Variants in ARCN1 observed in about 807,000 individuals in gnomAD.
The protein encoded by ARCN1 is archain 1 coat protein complex I subunit delta, also known as coatomer subunit delta.
ARCN1 carries 5 observed loss-of-function variants against 60.4 expected under a neutral mutation model. That is an observed-to-expected ratio of 0.08 (90% CI 0.04 to 0.17). ARCN1 has a LOEUF of 0.17. Ranked by LOEUF, ARCN1 falls within the 10% of genes least tolerant of loss-of-function variation. The pLI is 1.00. For missense variants in ARCN1, 464 were observed against 626.5 expected (o/e 0.74, Z 2.77); for synonymous variants, 224 against 220.0 (o/e 1.02, Z -0.16).
chr11:118,576,961 G>A (rs1357505588), intron 1 of ARCN1, among the ~76,000 whole-genome samples: 1 of 152,116 alleles, frequency 6.6e-6, no homozygotes, highest in African/African-American at 2.4e-5. Flanking sequence ...CAGGCGGGCA[G>A]ATCACTTGAG....
Position 118,600,780 on chromosome 11 carries a change from A to C in ARCN1, c.*66A>C. The C allele has an allele frequency of 3.4e-6, 4 of 1,176,270 alleles. No individual in the cohort carries two copies. The highest frequency in any genetic ancestry group is 4.9e-6 in the Non-Finnish European group (4 of 814,612). 72.9% of individuals were successfully genotyped at this position (1,176,270 alleles called of 1,614,324 possible). A position where few individuals can be genotyped will look rare whatever the true frequency, so the allele number is the denominator to read the frequency against. ...ATAAAGAAGACGCCAATGATGGCTG[A>C]AGAGTTTTTCCCAGATTTACAAGCC... On this transcript the variant is annotated 3_prime_UTR_variant, in exon 10 of 10. Transcript: ENST00000264028.
At chr11:118,583,054 A>G in intron 2 of ARCN1, 125 bp from the exon 3 acceptor site, 1 of 1,139,958 alleles carries the variant, frequency 8.8e-7, no homozygotes, top group Non-Finnish European at 1.3e-6. Context: ...AAATAAAATA[A>G]AGACTAGAAG....
intron 1 of ARCN1, chr11:118,572,951 T>G (rs1197000767): frequency 1.3e-5 from 3 of 223,558 alleles, no homozygotes; most frequent in Non-Finnish European, 2.6e-5. Flanking sequence ...TCTCCGGAGG[T>G]TCTGGTCCTT....
chr11:118,581,306 G>A lies in ARCN1; in HGVS notation c.64G>A (p.Val22Met). Residue 22 changes from valine (V) to methionine (M), a missense_variant, in exon 2 of 10, where the codon GTG becomes ATG. Val to Met is a conservative substitution (Grantham distance 21). Transcript: ENST00000264028. ...AGKAIVSRQFVEMTRTRIEGL... is the reference protein window; with the variant it reads ...AGKAIVSRQFMEMTRTRIEGL... ...AAAGGCTATTGTTTCTCGACAGTTT[G>A]TGGAAATGACCCGAACTCGGATTGA... The A allele has an allele frequency of 6.2e-7, 1 of 1,614,228 alleles. No homozygotes were observed. The highest frequency in any genetic ancestry group is 8.5e-7 in the Non-Finnish European group (1 of 1,180,050).
Position 118,600,710 on chromosome 11 carries a change from T to C in ARCN1, c.1532T>C (p.Leu511Pro), listed in dbSNP as rs1266490539. ...TTCCTAGTGGATAAGTATGAAATTC[T>C]GTAATACCAAGAAGAGGGAGCTGAA... ...TTFLVDKYEI[L>P] Residue 511 changes from leucine (L) to proline (P), a missense_variant, in exon 10 of 10, where the codon CTG becomes CCG. Around this residue, in one of 2 missense-constraint regions of ARCN1, gnomAD observed 359 missense variants for 440.2 expected, o/e 0.82. Transcript: ENST00000264028. The C allele has an allele frequency of 6.2e-7, 1 of 1,601,430 alleles. No homozygotes were observed. Among genetic ancestry groups the C allele is most frequent in the African/African-American group, 1.3e-5 (1 of 74,082 alleles).
chr11:118,587,682 C>T (rs1432124955), intron 5 of ARCN1, among the ~76,000 whole-genome samples: 1 of 152,168 alleles, frequency 6.6e-6, no homozygotes, highest in Non-Finnish European at 1.5e-5. Context: ...CTGGTGTCCT[C>T]CAATTCAATT....
chr11:118,585,849 G>GT (rs1340600091), intron 5 of ARCN1, among the ~76,000 whole-genome samples: 1 of 152,058 alleles, frequency 6.6e-6, no homozygotes, highest in Non-Finnish European at 1.5e-5. Flanking sequence ...ATCTTTTGCA[G>GT]TTTAAATATT....
intron 5 of ARCN1, among the ~76,000 whole-genome samples, chr11:118,588,874 C>T (rs988246214): frequency 4.6e-5 from 7 of 152,184 alleles, no homozygotes; most frequent in Admixed American, 4.6e-4. Context: ...AAAAATGAAC[C>T]GGGCGTGGTG....
intron 8 of ARCN1, 30 bp downstream of exon 8, chr11:118,593,728 G>A (rs782219486): frequency 2.0e-6 from 3 of 1,489,618 alleles, no homozygotes; most frequent in East Asian, 2.3e-5. Flanking sequence ...CCTCTACGGT[G>A]GACTTAGAGA....
intron 3 of ARCN1, 100 bp from the exon 4 acceptor site, chr11:118,583,709 G>A: frequency 8.1e-7 from 1 of 1,240,686 alleles, no homozygotes; most frequent in South Asian, 1.4e-5. Context: ...AGTGAGCTGT[G>A]ATTGTGCCAC....
chr11:118,591,729 CTTTTTTTTGTT>C (rs1280535854), intron 6 of ARCN1, among the ~76,000 whole-genome samples: 7 of 144,432 alleles, frequency 4.8e-5, no homozygotes, highest in Non-Finnish European at 1.1e-4. Context: ...TTTTTTTGTT[CTTTTTTTTGTT>C]TTTTTTTTTG....
At position 118,572,547 on chromosome 11, in the gene ARCN1, C is replaced by T. The variant is rs781787636; in HGVS notation, c.-1C>T. 1.2e-6 allele frequency: 2 copies of T among 1,611,076 alleles called. No individual in the cohort carries two copies. The highest frequency in any genetic ancestry group is 2.7e-5 in the African/African-American group (2 of 74,846). On this transcript the variant is annotated 5_prime_UTR_variant, in exon 1 of 10. Coordinates refer to ENST00000264028, the MANE Select transcript of ARCN1 (RefSeq NM_001655.5). ...GGGCGCGCCCCACCACCGCCCTCAC[C>T]ATGGTAAGATCCGAGCCAGGACCCG...
Position 118,584,464 on chromosome 11 carries a change from A to G in ARCN1, c.654-16A>G, listed in dbSNP as rs781786774. The G allele has an allele frequency of 1.3e-6, 2 of 1,593,202 alleles. No individual in the cohort carries two copies. Among genetic ancestry groups the G allele is most frequent in the South Asian group, 1.1e-5 (1 of 87,188 alleles). ...AATAAACCTTTGGGTAATGAATTTCAAATTCTTCCACTTAGGCCTTCAGGC... is the reference window on the plus strand; with the variant it reads ...AATAAACCTTTGGGTAATGAATTTCGAATTCTTCCACTTAGGCCTTCAGGC... On this transcript the variant is annotated splice_polypyrimidine_tract_variant and intron_variant, in intron 4 of 9. Transcript: ENST00000264028.
At chr11:118,591,362 G>A (rs1938904542) in intron 6 of ARCN1, among the ~76,000 whole-genome samples, 1 of 152,152 alleles carries the variant, frequency 6.6e-6, no homozygotes. Flanking sequence ...CTTGTAAAGT[G>A]CTATCCAAAA....
At chr11:118,592,988 C>A in intron 7 of ARCN1, 132 bp downstream of exon 7, 1 of 867,418 alleles carries the variant, frequency 1.2e-6, no homozygotes, top group Non-Finnish European at 1.7e-6. Context: ...TGAAATGGAC[C>A]TGGTGCTGCA....
intron 8 of ARCN1, among the ~76,000 whole-genome samples, chr11:118,596,593 T>C (rs77190277): frequency 6.6e-6 from 1 of 152,356 alleles, no homozygotes; most frequent in Non-Finnish European, 1.5e-5. Context: ...CCTTAAAGTT[T>C]ACTTTGTCTC....
intron 8 of ARCN1, among the ~76,000 whole-genome samples, chr11:118,596,490 T>A (rs1404828049): frequency 6.6e-6 from 1 of 152,090 alleles, no homozygotes; most frequent in Non-Finnish European, 1.5e-5. Context: ...TTAGAAGAGA[T>A]CAGAATCAGA....
At chr11:118,590,275 A>G (rs576801697) in intron 5 of ARCN1, 66 bp from the exon 6 acceptor site, 13 of 1,428,546 alleles carry the variant, frequency 9.1e-6, no homozygotes, top group African/African-American at 2.8e-5. Context: ...GGTTATAGGC[A>G]TGAGCCACCA....
chr11:118,590,401 G>A lies in ARCN1; in HGVS notation c.879G>A (p.Gln293=). 6.2e-7 allele frequency: 1 copy of A among 1,614,160 alleles called. No homozygotes were observed. ...CCTGTGGACGAGACGGAGGATTACA[G>A]AATATGGAGTTGCATGGCATGATCA... ...TLTCGRDGGL[Q]NMELHGMIML... Residue 293 remains glutamine (Q), a synonymous_variant, in exon 6 of 10, where the codon CAG becomes CAA. Coordinates refer to ENST00000264028, the MANE Select transcript of ARCN1 (RefSeq NM_001655.5).
Sources: gnomAD v4.1 joint callset for allele counts (sites outside exome capture counted in the v4.1 genomes callset) on GRCh38, gnomAD v4.1.1 for gene constraint, gnomAD v4.1.1 regional missense constraint, MANE v1.5 for transcripts, NCBI Gene and HGNC (gene_info 2026-07-23, HGNC 2026-07-21) for gene names.